VPS13A: variants seen among roughly 807,000 people sequenced by gnomAD.
VPS13A encodes intermembrane lipid transfer protein VPS13A.
Under a neutral mutation model 390.9 loss-of-function variants are expected in VPS13A, and 264 were observed. The observed-to-expected ratio is 0.68, with a 90% CI of 0.61 to 0.75. VPS13A has a LOEUF of 0.75. Among genes scored for constraint, VPS13A ranks in the 30% least tolerant of loss-of-function variants. The pLI, the probability that VPS13A is intolerant of heterozygous loss-of-function variation, is 0.00. For synonymous variants in VPS13A, 1,231 were observed against 1,227.1 expected (o/e 1.00, Z -0.07); for missense variants, 3,409 against 3,733.9 (o/e 0.91, Z 2.27).
chr9:77,280,708 A>G (rs1161764329), intron 27 of VPS13A, among the ~76,000 whole-genome samples: 1 of 152,022 alleles, frequency 6.6e-6, no homozygotes, highest in African/African-American at 2.4e-5. Context: ...TAATTTTTCC[A>G]TGTTTCTGCT....
chr9:77,192,905 A>G (rs957393220), intron 1 of VPS13A, among the ~76,000 whole-genome samples: 1 of 152,120 alleles, frequency 6.6e-6, no homozygotes, highest in African/African-American at 2.4e-5. Context: ...AGGATGGGGA[A>G]ATTTTTGTGG....
In VPS13A at chr9:77,385,132, T is replaced by C. The variant is rs781712522; in HGVS notation, c.9189+3045T>C. The C allele has an allele frequency of 2.3e-4, 220 of 962,962 alleles. 1 individual carries two copies. Among genetic ancestry groups the C allele is most frequent in the Non-Finnish European group, 2.6e-4 (211 of 807,778 alleles). 59.7% of individuals were successfully genotyped at this position (962,962 alleles called of 1,614,324 possible). A position where few individuals can be genotyped will look rare whatever the true frequency, so the allele number is the denominator to read the frequency against. The stretch of plus-strand genomic sequence containing the variant: ...ATAGCCATTTAATGTTTTATATTTA[T>C]CATTTTAAAGATATTTTTGTCAAAT... On this transcript the variant is annotated intron_variant, in intron 68 of 71. Coordinates refer to ENST00000360280, the MANE Select transcript of VPS13A (RefSeq NM_033305.3).
chr9:77,255,803 G>C (rs576108022), intron 22 of VPS13A, among the ~76,000 whole-genome samples: 2 of 152,086 alleles, frequency 1.3e-5, no homozygotes, highest in African/African-American at 4.8e-5. Context: ...GTTTGTAATT[G>C]TCTCTCTCTT....
chr9:77,312,715 G>T (rs574930970), intron 35 of VPS13A, among the ~76,000 whole-genome samples: 1 of 151,984 alleles, frequency 6.6e-6, no homozygotes, highest in African/African-American at 2.4e-5. Flanking sequence ...ATGCCCAGCC[G>T]TTCATATAAT....
chr9:77,402,239 C>G (rs1030548338), intron 68 of VPS13A, among the ~76,000 whole-genome samples: 5 of 152,070 alleles, frequency 3.3e-5, no homozygotes, highest in Non-Finnish European at 7.4e-5. Context: ...ATGAGTCATC[C>G]TGCTATTTTA....
chr9:77,371,747 G>T (rs898171927), intron 67 of VPS13A, among the ~76,000 whole-genome samples: 1 of 148,654 alleles, frequency 6.7e-6, no homozygotes, highest in African/African-American at 2.5e-5. Flanking sequence ...ATGCTGGTGC[G>T]CTGCACCCAC....
At chr9:77,395,352 C>CATTT (rs1447821921) in intron 68 of VPS13A, among the ~76,000 whole-genome samples, 1 of 152,076 alleles carries the variant, frequency 6.6e-6, no homozygotes, top group African/African-American at 2.4e-5. Context: ...TCAGAACACA[C>CATTT]ATTTATAGAT....
In VPS13A at chr9:77,220,266, C is replaced by T. The variant is rs1823121468; in HGVS notation, c.883-11C>T. On this transcript the variant is annotated splice_polypyrimidine_tract_variant and intron_variant, in intron 11 of 71. Transcript: ENST00000360280. ...TGATACATTTAAGAGCTTTAATTTT[C>T]CATTCTTTAGTATTTCAGTATTATG... 1.2e-6 allele frequency: 2 copies of T among 1,602,730 alleles called. No homozygotes were observed. The highest frequency in any genetic ancestry group is 1.3e-5 in the African/African-American group (1 of 74,738).
chr9:77,208,099 G>A (rs1246190980), intron 5 of VPS13A, among the ~76,000 whole-genome samples: 1 of 152,180 alleles, frequency 6.6e-6, no homozygotes, highest in Non-Finnish European at 1.5e-5. Context: ...GGTAGAGAAA[G>A]AAAGACAACA....
chr9:77,281,166 TGTCA>T (rs1827002333), intron 27 of VPS13A, among the ~76,000 whole-genome samples: 1 of 152,042 alleles, frequency 6.6e-6, no homozygotes, highest in Non-Finnish European at 1.5e-5. Context: ...AATAGAGAGT[TGTCA>T]ATCAAATGGT....
intron 52 of VPS13A, among the ~76,000 whole-genome samples, chr9:77,350,688 T>C (rs1160943433): frequency 6.6e-6 from 1 of 152,010 alleles, no homozygotes; most frequent in African/African-American, 2.4e-5. Flanking sequence ...TGTGTTAGGG[T>C]TTTTTCCCCC....
At chr9:77,363,399 TTTTTA>T (rs1462213104) in intron 59 of VPS13A, among the ~76,000 whole-genome samples, 85 of 92,706 alleles carry the variant, frequency 9.2e-4, no homozygotes, top group Non-Finnish European at 1.4e-3. Context: ...AATTTTTTTT[TTTTTA>T]TTTTTTTTTT....
chr9:77,369,606 A>C (rs895939811), intron 63 of VPS13A, among the ~76,000 whole-genome samples, 194 bp downstream of exon 63: 3 of 152,194 alleles, frequency 2.0e-5, no homozygotes, highest in African/African-American at 4.8e-5. Flanking sequence ...TTTAAACTTA[A>C]GATTTTGTTA....
intron 23 of VPS13A, 65 bp from the exon 24 acceptor site, chr9:77,273,215 A>G (rs899779887): frequency 7.9e-7 from 1 of 1,271,044 alleles, no homozygotes; most frequent in Non-Finnish European, 1.1e-6. Context: ...TTGAATAAAC[A>G]TTTTTTGAAT....
intron 17 of VPS13A, among the ~76,000 whole-genome samples, chr9:77,234,086 T>A (rs1823993264): frequency 6.6e-6 from 1 of 152,236 alleles, no homozygotes; most frequent in South Asian, 2.1e-4. Context: ...TTTATAATTG[T>A]TGTATCTTTG....
Position 77,366,755 on chromosome 9 carries a change from G to C in VPS13A, c.8354G>C (p.Gly2785Ala). 2.5e-6 allele frequency: 4 copies of C among 1,612,616 alleles called. No individual in the cohort carries two copies. The highest frequency in any genetic ancestry group is 3.4e-6 in the Non-Finnish European group (4 of 1,179,134). The change falls in exon 61 of 72, where the codon GGC (glycine) becomes GCC (alanine). Residue 2785 changes from glycine (G) to alanine (A), a missense_variant. Coordinates refer to ENST00000360280, the MANE Select transcript of VPS13A (RefSeq NM_033305.3). ...CATTTAAGTGTTTCACTGAGTTCCG[G>C]CAGAGAAGAAGCTAAAGATTCAAAA... Reference protein sequence around the residue: ...KLHLSVSLSSGREEAKDSKQN... With the variant: ...KLHLSVSLSSAREEAKDSKQN...
At position 77,417,030 on chromosome 9, in the gene VPS13A, C is replaced by T. The variant is rs9186; in HGVS notation, c.*1024C>T. ...GAGTCACGCTTTTAAATTTACAGCT[C>T]ATCACAGAAATCATCAGCTATACAT... On this transcript the variant is annotated 3_prime_UTR_variant, in exon 72 of 72. Transcript: ENST00000360280. 80,541 of 152,060 alleles carry T rather than the reference C, an allele frequency of 0.53. 21,544 individuals are homozygous for T. The highest frequency in any genetic ancestry group is 0.66 in the East Asian group (3,425 of 5,180). The allele number at this position is 152,060 out of a possible 1,614,324, so 9.4% of individuals were successfully genotyped here. A position where few individuals can be genotyped will look rare whatever the true frequency, so the allele number is the denominator to read the frequency against.
chr9:77,407,739 G>T, intron 71 of VPS13A, 132 bp downstream of exon 71: 1 of 757,846 alleles, frequency 1.3e-6, no homozygotes, highest in Non-Finnish European at 2.2e-6. Flanking sequence ...GTTTTGGCAG[G>T]TTTTAAAAGT....
intron 67 of VPS13A, 75 bp from the exon 68 acceptor site, chr9:77,381,901 A>G: frequency 2.2e-6 from 2 of 914,478 alleles, no homozygotes; most frequent in Middle Eastern, 2.9e-4. Flanking sequence ...GATTGTTTTT[A>G]GTAATTGCAT....
Sources: allele counts gnomAD v4.1 joint callset (sites outside exome capture counted in the v4.1 genomes callset), GRCh38; gene constraint gnomAD v4.1.1; transcripts MANE v1.5; gene names NCBI Gene and HGNC (gene_info 2026-07-23, HGNC 2026-07-21).